The following UCK2 variants were observed in gnomAD, a reference collection of about 807,000 sequenced individuals.
UCK2 encodes cytidine monophosphokinase 2.
A neutral mutation model predicts 30.8 loss-of-function variants in UCK2; 6 were observed. The observed-to-expected ratio is 0.19, with a 90% CI of 0.11 to 0.38. UCK2 has a LOEUF of 0.38. Among genes scored for constraint, UCK2 ranks in the 10% least tolerant of loss-of-function variants. The probability of loss-of-function intolerance (pLI) is 1.00; values close to 1 mark genes in which losing one functional copy is unlikely to be tolerated. For synonymous variants in UCK2, 125 were observed against 133.6 expected (o/e 0.94, Z 0.45); for missense variants, 210 against 339.8 (o/e 0.62, Z 3.00).
intron 1 of UCK2, among the ~76,000 whole-genome samples, chr1:165,846,251 A>G (rs952001980): frequency 2.0e-5 from 3 of 152,196 alleles, no homozygotes; most frequent in Non-Finnish European, 4.4e-5. Context: ...ACAGTGAGCT[A>G]TGATTGTGCC....
intron 1 of UCK2, among the ~76,000 whole-genome samples, chr1:165,858,202 T>C (rs1324580342): frequency 6.6e-6 from 1 of 152,212 alleles, no homozygotes; most frequent in Non-Finnish European, 1.5e-5. Context: ...TGTGCACTTT[T>C]ATCCCGAGGT....
At chr1:165,845,714 C>T (rs958179656) in intron 1 of UCK2, among the ~76,000 whole-genome samples, 32 of 152,198 alleles carry the variant, frequency 2.1e-4, no homozygotes, top group Non-Finnish European at 3.8e-4. Flanking sequence ...GTTGCCCAGA[C>T]TGGAGTGCAG....
At chr1:165,835,678 CAT>C (rs1654170575) in intron 1 of UCK2, among the ~76,000 whole-genome samples, 1 of 152,164 alleles carries the variant, frequency 6.6e-6, no homozygotes, top group African/African-American at 2.4e-5. Context: ...CATTTTAAAA[CAT>C]GTAGATGAAC....
intron 1 of UCK2, among the ~76,000 whole-genome samples, chr1:165,885,760 A>G (rs1016902545): frequency 2.6e-5 from 4 of 152,194 alleles, no homozygotes; most frequent in Non-Finnish European, 5.9e-5. Context: ...TATGTTTGCC[A>G]TCAGTGGTGT....
At chr1:165,853,864 G>C in intron 1 of UCK2, among the ~76,000 whole-genome samples, 1 of 152,122 alleles carries the variant, frequency 6.6e-6, no homozygotes, top group Middle Eastern at 3.2e-3. Context: ...TAAGTGTAAG[G>C]CTCTGGATAG....
In UCK2 at chr1:165,863,996, G is replaced by A. The variant is rs59475441; in HGVS notation, c.100-26208G>A. Among the ~76,000 whole-genome samples, 256 of 151,956 alleles carry A rather than the reference G, an allele frequency of 1.7e-3. 1 individual carries two copies. In the East Asian group the frequency reaches 0.021, roughly 12 times the overall value. Reference sequence around the variant, plus strand: ...TTTTTTCCTTCTTTTCTTTTAAGACGGAGTTTTGCTCTGCCATCTTGGCTC... The same window carrying A: ...TTTTTTCCTTCTTTTCTTTTAAGACAGAGTTTTGCTCTGCCATCTTGGCTC... On this transcript the variant is annotated intron_variant, in intron 1 of 6. Transcript: ENST00000367879.
chr1:165,869,477 A>G (rs923331703), intron 1 of UCK2, among the ~76,000 whole-genome samples: 3 of 152,050 alleles, frequency 2.0e-5, no homozygotes, highest in African/African-American at 4.8e-5. Flanking sequence ...GTAATTCTAT[A>G]TTTAGTTTTT....
chr1:165,887,173 C>CTTA (rs1392895912), intron 1 of UCK2, among the ~76,000 whole-genome samples: 1 of 152,136 alleles, frequency 6.6e-6, no homozygotes, highest in Non-Finnish European at 1.5e-5. Flanking sequence ...GGACTGCTGC[C>CTTA]TAATAAGTAA....
chr1:165,891,471 G>A (rs1316582095), intron 3 of UCK2, 149 bp downstream of exon 3: 2 of 675,000 alleles, frequency 3.0e-6, no homozygotes, highest in Admixed American at 2.7e-5. Flanking sequence ...TGGAGTGGGT[G>A]GTGGCAGCAG....
chr1:165,833,613 T>A (rs539249506), intron 1 of UCK2, among the ~76,000 whole-genome samples: 1 of 152,190 alleles, frequency 6.6e-6, no homozygotes, highest in African/African-American at 2.4e-5. Flanking sequence ...TTTGCTTTCA[T>A]GTCATTTCTT....
chr1:165,852,886 T>C (rs1654632758), intron 1 of UCK2, among the ~76,000 whole-genome samples: 1 of 152,250 alleles, frequency 6.6e-6, no homozygotes, highest in African/African-American at 2.4e-5. Flanking sequence ...TTGGATATTA[T>C]GATTAATGGA....
chr1:165,856,250 A>T (rs371224682), intron 1 of UCK2, among the ~76,000 whole-genome samples: 24 of 152,072 alleles, frequency 1.6e-4, no homozygotes, highest in African/African-American at 5.8e-4. Flanking sequence ...CAGTGCTTGA[A>T]TCTTCTCTTT....
At chr1:165,891,926 T>C (rs1042225544) in intron 3 of UCK2, among the ~76,000 whole-genome samples, 1 of 151,792 alleles carries the variant, frequency 6.6e-6, no homozygotes, top group Non-Finnish European at 1.5e-5. Context: ...TCCTAGAAGA[T>C]TGCACTCCTG....
intron 1 of UCK2, among the ~76,000 whole-genome samples, chr1:165,843,221 CCTT>C (rs1654373009): frequency 6.6e-6 from 1 of 151,838 alleles, no homozygotes; most frequent in Non-Finnish European, 1.5e-5. Flanking sequence ...GTATTCAAGT[CCTT>C]TTTTTTTTTA....
In UCK2 at chr1:165,827,883, G is replaced by T. The variant is rs779422201; in HGVS notation, c.50G>T (p.Gly17Val). 1 of 1,479,830 alleles carries T rather than the reference G, an allele frequency of 6.8e-7. No homozygotes were observed. The highest frequency in any genetic ancestry group is 1.4e-5 in the South Asian group (1 of 73,182). The allele number at this position is 1,479,830 out of a possible 1,614,324, so 91.7% of individuals were successfully genotyped here. Residue 17 changes from glycine (G) to valine (V), a missense_variant, in exon 1 of 7, where the codon GGC becomes GTC. Transcript: ENST00000367879. Reference protein sequence around the residue: ...QTLQNHQQPNGGEPFLIGVSG... With the variant: ...QTLQNHQQPNVGEPFLIGVSG... ...CTGCAGAACCACCAGCAGCCCAACG[G>T]CGGCGAGCCCTTCCTTATAGGCGTC...
At chr1:165,851,963 T>A (rs946047318) in intron 1 of UCK2, among the ~76,000 whole-genome samples, 1 of 152,234 alleles carries the variant, frequency 6.6e-6, no homozygotes, top group African/African-American at 2.4e-5. Context: ...TGTACTACAT[T>A]TTCTTTATCC....
At chr1:165,850,100 C>T (rs1476181079) in intron 1 of UCK2, among the ~76,000 whole-genome samples, 1 of 152,156 alleles carries the variant, frequency 6.6e-6, no homozygotes, top group Non-Finnish European at 1.5e-5. Context: ...CTGAATTAAA[C>T]AGCCTTTGTT....
chr1:165,860,526 G>A (rs1654868347), intron 1 of UCK2, among the ~76,000 whole-genome samples: 1 of 152,046 alleles, frequency 6.6e-6, no homozygotes, highest in Admixed American at 6.5e-5. Context: ...GCAGCTCACT[G>A]CAGCTTCGAC....
chr1:165,885,938 C>T (rs940339124), intron 1 of UCK2, among the ~76,000 whole-genome samples: 3 of 151,992 alleles, frequency 2.0e-5, no homozygotes, highest in Non-Finnish European at 4.4e-5. Context: ...CCATCGTAAC[C>T]GTCTTTAAGT....
Sources: gnomAD v4.1 joint callset for allele counts (sites outside exome capture counted in the v4.1 genomes callset) on GRCh38, gnomAD v4.1.1 for gene constraint, MANE v1.5 for transcripts, NCBI Gene and HGNC (gene_info 2026-07-23, HGNC 2026-07-21) for gene names.